The following PLA2R1 variants were observed in gnomAD, a reference collection of about 807,000 sequenced individuals.
PLA2R1 encodes phospholipase A2 receptor 1.
Under a neutral mutation model 195.9 loss-of-function variants are expected in PLA2R1, and 158 were observed. That is an observed-to-expected ratio of 0.81 (90% CI 0.71 to 0.92). The LOEUF is 0.92. Ranked by LOEUF, PLA2R1 falls within the 40% of genes least tolerant of loss-of-function variation. The pLI is 0.00. For synonymous variants in PLA2R1, 586 were observed against 598.2 expected (o/e 0.98, Z 0.30); for missense variants, 1,626 against 1,764.6 (o/e 0.92, Z 1.41).
intron 12 of PLA2R1, among the ~76,000 whole-genome samples, chr2:159,985,150 C>T (rs1317501650): frequency 6.6e-6 from 1 of 152,170 alleles, no homozygotes. Flanking sequence ...TAATCGTGAT[C>T]TTGGGCAAAT....
rs780808352 is a variant in PLA2R1, at chr2:160,033,078, ATG to A, written c.720_721del (p.Ile241LeufsTer14). ...TGAAAGCAGGTTGAACTGGTAGCAAATGTGTGAATTGAGGTCCTTCTCCCAAA... is the reference window on the plus strand; with the variant it reads ...TGAAAGCAGGTTGAACTGGTAGCAAATGTGAATTGAGGTCCTTCTCCCAAA... On this transcript the variant is annotated frameshift_variant, in exon 4 of 30. Transcript: ENST00000283243. LOFTEE classifies it high-confidence loss of function. 6.3e-5 allele frequency: 101 copies of A among 1,613,530 alleles called. No homozygotes were observed. The African/African-American group carries it at 1.1e-3, about 17-fold the overall frequency.
chr2:160,003,943 G>A (rs1691786470), intron 11 of PLA2R1, among the ~76,000 whole-genome samples: 1 of 152,148 alleles, frequency 6.6e-6, no homozygotes, highest in Non-Finnish European at 1.5e-5. Flanking sequence ...CTCTAAGACA[G>A]ATTGCTAAGT....
At chr2:159,998,024 A>G (rs1691343389) in intron 11 of PLA2R1, among the ~76,000 whole-genome samples, 2 of 152,062 alleles carry the variant, frequency 1.3e-5, no homozygotes, top group Non-Finnish European at 2.9e-5. Flanking sequence ...ATTTTTTTTA[A>G]AAACATTTAA....
chr2:159,977,277 T>C lies in PLA2R1; in HGVS notation c.2401+7A>G. Reference sequence around the variant, plus strand: ...ACATATAGCAAAGATCTTACTACTATTTTTACCTCTTGGGATTTTGCATAT... The same window carrying C: ...ACATATAGCAAAGATCTTACTACTACTTTTACCTCTTGGGATTTTGCATAT... On this transcript the variant is annotated splice_region_variant and intron_variant, in intron 15 of 29. Transcript: ENST00000283243. 6.2e-7 allele frequency: 1 copy of C among 1,606,586 alleles called. No individual in the cohort carries two copies. The highest frequency in any genetic ancestry group is 8.5e-7 in the Non-Finnish European group (1 of 1,173,968).
intron 10 of PLA2R1, 105 bp downstream of exon 10, chr2:160,013,158 A>G (rs940026721): frequency 3.8e-6 from 2 of 526,168 alleles, no homozygotes; most frequent in Non-Finnish European, 6.9e-6. Flanking sequence ...TTTGATGTAT[A>G]GCACAATTTA....
chr2:160,004,214 T>C (rs559091820), intron 11 of PLA2R1, among the ~76,000 whole-genome samples: 3 of 152,304 alleles, frequency 2.0e-5, no homozygotes, highest in East Asian at 3.9e-4. Flanking sequence ...CCAGAAAAAT[T>C]TGGAGTAAAA....
chr2:160,045,511 C>T (rs186942593), intron 1 of PLA2R1, among the ~76,000 whole-genome samples: 25 of 152,212 alleles, frequency 1.6e-4, no homozygotes, highest in African/African-American at 5.8e-4. Flanking sequence ...TCAGGGCTCC[C>T]GGGGAGGGAC....
At chr2:160,061,439 G>A (rs1308096588) in intron 1 of PLA2R1, among the ~76,000 whole-genome samples, 10 of 152,164 alleles carry the variant, frequency 6.6e-5, no homozygotes, top group Non-Finnish European at 1.3e-4. Flanking sequence ...TTCAGATCAC[G>A]CAGTTCATGG....
chr2:159,989,441 G>A (rs750198012), intron 11 of PLA2R1, among the ~76,000 whole-genome samples: 3 of 152,098 alleles, frequency 2.0e-5, no homozygotes, highest in Admixed American at 6.6e-5. Flanking sequence ...CCATTCCCCC[G>A]TCCTTTGAGG....
chr2:160,010,731 G>C (rs760725459), intron 10 of PLA2R1, among the ~76,000 whole-genome samples: 1 of 152,206 alleles, frequency 6.6e-6, no homozygotes, highest in Non-Finnish European at 1.5e-5. Flanking sequence ...CGTGTATGGT[G>C]AATCAAAAGC....
At chr2:160,022,007 T>G (rs779088114) in intron 7 of PLA2R1, among the ~76,000 whole-genome samples, 6 of 152,216 alleles carry the variant, frequency 3.9e-5, no homozygotes, top group Non-Finnish European at 7.3e-5. Flanking sequence ...GAAGGATGCA[T>G]GTTTTTACTC....
chr2:160,055,162 T>C (rs1201204728), intron 1 of PLA2R1, among the ~76,000 whole-genome samples: 1 of 151,770 alleles, frequency 6.6e-6, no homozygotes, highest in Non-Finnish European at 1.5e-5. Context: ...AAAGAGTAAA[T>C]AGGACCAGAA....
In PLA2R1 at chr2:160,000,714, A is replaced by G. The variant is rs1028677935; in HGVS notation, c.1834+4938T>C. Among the ~76,000 whole-genome samples the G allele has an allele frequency of 3.3e-5, 5 of 152,322 alleles. No homozygotes were observed. The East Asian group carries it at 9.6e-4, about 29-fold the overall frequency. On this transcript the variant is annotated intron_variant, in intron 11 of 29. Transcript: ENST00000283243. ...GAAACAAGTGACTACAAAGAACCAC[A>G]AACCAAATTTAAAACAGAAATAGAC... is the stretch of plus-strand genomic sequence containing the variant.
intron 12 of PLA2R1, among the ~76,000 whole-genome samples, chr2:159,985,688 A>C (rs1275569857): frequency 3.9e-5 from 6 of 152,206 alleles, no homozygotes; most frequent in African/African-American, 1.4e-4. Context: ...TTCAATAATA[A>C]AAACTTTATT....
At position 159,941,951 on chromosome 2, in the gene PLA2R1, G is replaced by A; in HGVS notation, c.4219C>T (p.Leu1407=). Residue 1407 remains leucine (L), a synonymous_variant, in exon 30 of 30, where the codon CTG becomes TTG. Coordinates refer to ENST00000283243, the MANE Select transcript of PLA2R1 (RefSeq NM_007366.5). ...SIIPLAVVLT[L]IVIVAICTLS... ...GTGCAAATGGCCACAATGACTATCA[G>A]TGTCAGTACAACCGCAAGAGGAATG... 6.2e-7 allele frequency: 1 copy of A among 1,613,860 alleles called. No homozygotes were observed. Among genetic ancestry groups the A allele is most frequent in the Middle Eastern group, 1.6e-4 (1 of 6,062 alleles).
chr2:160,028,404 G>C lies in PLA2R1; in HGVS notation c.956-43C>G, dbSNP rs757173179. Reference sequence around the variant, plus strand: ...GTCTTTAATATTAGAAGCAAAAGCAGTTAGTTTAATATATATTGAAATGTG... The same window carrying C: ...GTCTTTAATATTAGAAGCAAAAGCACTTAGTTTAATATATATTGAAATGTG... On this transcript the variant is annotated intron_variant, in intron 5 of 29. Coordinates refer to ENST00000283243, the MANE Select transcript of PLA2R1 (RefSeq NM_007366.5). 5 of 1,447,674 alleles carry C rather than the reference G, an allele frequency of 3.5e-6. No individual in the cohort carries two copies. In the African/African-American group the frequency reaches 7.0e-5, roughly 20 times the overall value. The allele number at this position is 1,447,674 out of a possible 1,614,324, so 89.7% of individuals were successfully genotyped here.
intron 15 of PLA2R1, 59 bp downstream of exon 15, chr2:159,977,225 A>G (rs1349001203): frequency 5.4e-6 from 7 of 1,302,350 alleles, no homozygotes; most frequent in Non-Finnish European, 7.6e-6. Context: ...TTAAATTGGG[A>G]AAGTACTAGA....
intron 9 of PLA2R1, among the ~76,000 whole-genome samples, chr2:160,013,894 T>C (rs1464039687): frequency 6.6e-6 from 1 of 152,174 alleles, no homozygotes; most frequent in Non-Finnish European, 1.5e-5. Flanking sequence ...CATAGTTTTT[T>C]CATCTATACG....
rs1387564119 is a variant in PLA2R1 at position 160,062,485 on chromosome 2, G to A, written c.-82C>T. On this transcript the variant is annotated 5_prime_UTR_variant, in exon 1 of 30. Transcript: ENST00000283243. ...GCCCAGAGCCGCGTCCCAAGCACCC[G>A]GCCCCGCCGCGCGGAAGCGGATCCG... 9 of 1,437,166 alleles carry A rather than the reference G, an allele frequency of 6.3e-6. No individual in the cohort carries two copies. Among genetic ancestry groups the A allele is most frequent in the Non-Finnish European group, 7.3e-6 (8 of 1,099,746 alleles). The allele number at this position is 1,437,166 out of a possible 1,614,324, so 89.0% of individuals were successfully genotyped here.
Sources: gnomAD v4.1 joint callset for allele counts (sites outside exome capture counted in the v4.1 genomes callset) on GRCh38, gnomAD v4.1.1 for gene constraint, MANE v1.5 for transcripts, NCBI Gene and HGNC (gene_info 2026-07-23, HGNC 2026-07-21) for gene names.